DIAPH3: variants seen among roughly 807,000 people sequenced by gnomAD.
DIAPH3 encodes diaphanous related formin 3.
A neutral mutation model predicts 144.3 loss-of-function variants in DIAPH3; 117 were observed. The ratio of observed to expected loss-of-function variants is 0.81; its 90% CI spans 0.70 to 0.95. The LOEUF is 0.95. Ranked by LOEUF, DIAPH3 falls within the 40% of genes least tolerant of loss-of-function variation. DIAPH3 has a pLI of 0.00. For missense variants in DIAPH3, 1,421 were observed against 1,412.7 expected (o/e 1.01, Z -0.09); for synonymous variants, 519 against 488.9 (o/e 1.06, Z -0.81).
chr13:59,973,817 T>C (rs1444104878), intron 15 of DIAPH3, among the ~76,000 whole-genome samples: 2 of 152,160 alleles, frequency 1.3e-5, no homozygotes, highest in Non-Finnish European at 2.9e-5. Context: ...TATTTCTTGC[T>C]ATCTAAATGT....
At chr13:59,990,020 A>G (rs1022204305) in intron 12 of DIAPH3, among the ~76,000 whole-genome samples, 7 of 151,944 alleles carry the variant, frequency 4.6e-5, no homozygotes, top group Non-Finnish European at 1.0e-4. Context: ...ATAGTATCAT[A>G]AACAGCATGG....
intron 1 of DIAPH3, among the ~76,000 whole-genome samples, chr13:60,136,632 G>C (rs1386439976): frequency 6.6e-6 from 1 of 152,102 alleles, no homozygotes; most frequent in Non-Finnish European, 1.5e-5. Context: ...TAAAACTCAT[G>C]ATTTTAAATT....
chr13:60,126,682 G>C (rs796067881), intron 2 of DIAPH3, among the ~76,000 whole-genome samples: 22 of 152,172 alleles, frequency 1.4e-4, no homozygotes, highest in African/African-American at 5.1e-4. Flanking sequence ...AGAAAGGACA[G>C]AATTCATGCA....
intron 5 of DIAPH3, among the ~76,000 whole-genome samples, chr13:60,026,684 A>G (rs949621300): frequency 6.6e-6 from 1 of 152,150 alleles, no homozygotes; most frequent in African/African-American, 2.4e-5. Flanking sequence ...TAACCAACCA[A>G]CCAACGGTAT....
At chr13:59,871,524 T>A (rs935597380) in intron 21 of DIAPH3, among the ~76,000 whole-genome samples, 1 of 152,212 alleles carries the variant, frequency 6.6e-6, no homozygotes. Context: ...TTTTTTCAAA[T>A]GCATTTTCTG....
chr13:59,828,865 G>A (rs1357493374), intron 24 of DIAPH3, among the ~76,000 whole-genome samples: 2 of 151,760 alleles, frequency 1.3e-5, no homozygotes, highest in South Asian at 4.1e-4. Context: ...ATTATCTACA[G>A]TCGATTGTTT....
rs1161465414 is a variant in DIAPH3 at position 59,665,964 on chromosome 13, A to G, written c.*620T>C. On this transcript the variant is annotated 3_prime_UTR_variant, in exon 28 of 28. Coordinates refer to ENST00000400324, the MANE Select transcript of DIAPH3 (RefSeq NM_001042517.2). ...CATTCTTATTGCATCATTTTTCGTT[A>G]TGTGCTCAATTGCCTTATGGTCCCC... 6.6e-6 allele frequency: 1 copy of G among 152,198 alleles called. No homozygotes were observed. Among genetic ancestry groups the G allele is most frequent in the East Asian group, 1.9e-4 (1 of 5,204 alleles). The allele number at this position is 152,198 out of a possible 1,614,324, so 9.4% of individuals were successfully genotyped here.
At chr13:60,075,929 A>C (rs2057363766) in intron 4 of DIAPH3, among the ~76,000 whole-genome samples, 1 of 152,248 alleles carries the variant, frequency 6.6e-6, no homozygotes, top group Admixed American at 6.5e-5. Flanking sequence ...CAGTAAAGAA[A>C]TACTACTAAA....
intron 27 of DIAPH3, among the ~76,000 whole-genome samples, chr13:59,688,388 A>C (rs1170064446): frequency 6.6e-6 from 1 of 152,108 alleles, no homozygotes; most frequent in Non-Finnish European, 1.5e-5. Context: ...AAAACCACTG[A>C]CAAAAAAATA....
At chr13:59,784,635 C>T (rs2038933401) in intron 25 of DIAPH3, among the ~76,000 whole-genome samples, 1 of 152,100 alleles carries the variant, frequency 6.6e-6, no homozygotes, top group Admixed American at 6.5e-5. Context: ...CTTCGGCCTC[C>T]CAAAGTGTTG....
At chr13:60,017,590 G>T (rs538578273) in intron 5 of DIAPH3, among the ~76,000 whole-genome samples, 2 of 151,964 alleles carry the variant, frequency 1.3e-5, no homozygotes, top group African/African-American at 4.8e-5. Flanking sequence ...GTAAAATCCA[G>T]CTTCTTCATT....
rs759125639 is a variant in DIAPH3, at chr13:59,916,268, G to A, written c.2171-19C>T. 2 of 1,589,574 alleles carry A rather than the reference G, an allele frequency of 1.3e-6. No homozygotes were observed. The highest frequency in any genetic ancestry group is 1.7e-6 in the Non-Finnish European group (2 of 1,158,180). On this transcript the variant is annotated intron_variant, in intron 18 of 27. Transcript: ENST00000400324. ...AAGATTGCTAAGAAGGAGAAAGAGA[G>A]AAAGGTTTATAATGAATAAGGTTTA...
intron 23 of DIAPH3, among the ~76,000 whole-genome samples, chr13:59,835,503 G>C (rs1000080688): frequency 6.6e-6 from 1 of 151,738 alleles, no homozygotes; most frequent in South Asian, 2.1e-4. Context: ...CTCCCTTGTA[G>C]GTATAAGACT....
chr13:59,879,444 G>A lies in DIAPH3; in HGVS notation c.2392C>T (p.Pro798Ser). The part of the protein sequence containing the change: ...VVMSNVKRLR[P>S]RLSAILFKLQ... ...TTAAAGAGAATAGCACTGAGCCGTG[G>A]CCGTAGTCTCTTCACATTGCTCATC... Residue 798 changes from proline to serine, a missense_variant, in exon 21 of 28, where the codon CCA (proline) becomes TCA (serine). Pro to Ser is a moderately conservative substitution (Grantham distance 74, BLOSUM62 -1). Coordinates refer to ENST00000400324, the MANE Select transcript of DIAPH3 (RefSeq NM_001042517.2). The A allele has an allele frequency of 6.2e-7, 1 of 1,613,686 alleles. No individual in the cohort carries two copies. The highest frequency in any genetic ancestry group is 8.5e-7 in the Non-Finnish European group (1 of 1,179,760).
At chr13:60,095,260 A>C (rs1220267361) in intron 3 of DIAPH3, among the ~76,000 whole-genome samples, 1 of 152,208 alleles carries the variant, frequency 6.6e-6, no homozygotes, top group Admixed American at 6.5e-5. Flanking sequence ...CATCATAGAA[A>C]GAATTCAAAG....
At chr13:59,807,827 GTTAAAATTAAAAACATTCAAGCTTTTT>G (rs2040275200) in intron 25 of DIAPH3, among the ~76,000 whole-genome samples, 1 of 151,874 alleles carries the variant, frequency 6.6e-6, no homozygotes, top group Admixed American at 6.6e-5. Flanking sequence ...TAAATCTATT[GTTAAAATTAAAAACATTCAAGCTTTTT>G]TTAAAATTAA....
At chr13:59,754,620 C>T (rs867212003) in intron 27 of DIAPH3, among the ~76,000 whole-genome samples, 5 of 152,166 alleles carry the variant, frequency 3.3e-5, no homozygotes, top group South Asian at 4.1e-4. Context: ...GAATGAAAAT[C>T]GAAACTGTTT....
At chr13:59,909,721 A>G (rs1264005393) in intron 20 of DIAPH3, among the ~76,000 whole-genome samples, 2 of 152,162 alleles carry the variant, frequency 1.3e-5, no homozygotes, top group Non-Finnish European at 2.9e-5. Context: ...ATTATATTCC[A>G]CTGGCACTCA....
Position 59,971,048 on chromosome 13 carries a change from G to A in DIAPH3, c.1763C>T (p.Pro588Leu), listed in dbSNP as rs111260336. ...AGGTGGTGGGGGAGGAGGTGGAGGCGGCACCCCTCCACCAGAAGGCAGTGG... is the reference window on the plus strand; with the variant it reads ...AGGTGGTGGGGGAGGAGGTGGAGGCAGCACCCCTCCACCAGAAGGCAGTGG... ...PPPLPSGGGV[P>L]PPPPPPPPPP... The change falls in exon 16 of 28, where the codon CCG becomes CTG. Residue 588 changes from proline (P) to leucine (L), a missense_variant. Pro to Leu is a moderately conservative substitution (Grantham distance 98). Transcript: ENST00000400324. 0.034 allele frequency: 54,967 copies of A among 1,613,558 alleles called. 1,106 individuals are homozygous for A. Among genetic ancestry groups the A allele is most frequent in the Non-Finnish European group, 0.04 (47,579 of 1,179,826 alleles).
Sources: allele counts gnomAD v4.1 joint callset (sites outside exome capture counted in the v4.1 genomes callset), GRCh38; gene constraint gnomAD v4.1.1; transcripts MANE v1.5; gene names NCBI Gene and HGNC (gene_info 2026-07-23, HGNC 2026-07-21).